Variants in GRM4 observed in about 807,000 individuals in gnomAD.
GRM4 encodes the protein glutamate metabotropic receptor 4, also known as metabotropic glutamate receptor 4.
Under a neutral mutation model 81.7 loss-of-function variants are expected in GRM4, and 28 were observed. That is an observed-to-expected ratio of 0.34 (90% confidence interval 0.25 to 0.47). The LOEUF is 0.47. Among genes scored for constraint, GRM4 ranks in the 20% least tolerant of loss-of-function variants. The probability of loss-of-function intolerance (pLI) is 1.00; values close to 1 mark genes in which losing one functional copy is unlikely to be tolerated. For synonymous variants in GRM4, 488 were observed against 528.8 expected (o/e 0.92, Z 1.06); for missense variants, 948 against 1,290.0 (o/e 0.73, Z 4.06).
At chr6:34,098,015 G>A (rs192387603) in intron 2 of GRM4, among the ~76,000 whole-genome samples, 215 of 152,272 alleles carry the variant, frequency 1.4e-3, no homozygotes, top group African/African-American at 5.0e-3. Flanking sequence ...CATCGGAGCC[G>A]CCCTGCCCAG....
chr6:34,044,957 CAT>C (rs1333515166), intron 6 of GRM4, among the ~76,000 whole-genome samples: 1 of 151,756 alleles, frequency 6.6e-6, no homozygotes, highest in Admixed American at 6.6e-5. Flanking sequence ...CATACATACA[CAT>C]ATATACACAT....
chr6:34,091,099 CCA>C (rs1164959377), intron 3 of GRM4, among the ~76,000 whole-genome samples: 1 of 152,200 alleles, frequency 6.6e-6, no homozygotes, highest in Non-Finnish European at 1.5e-5. Flanking sequence ...CCCAAGATGC[CCA>C]CAGCTGCAGC....
chr6:34,138,413 G>A (rs1770550523), intron 1 of GRM4, among the ~76,000 whole-genome samples: 1 of 152,234 alleles, frequency 6.6e-6, no homozygotes, highest in South Asian at 2.1e-4. Context: ...CTCTAGAATT[G>A]TGAATGGCTG....
Position 34,047,497 on chromosome 6 carries a change from A to G in GRM4, c.1169-6749T>C, listed in dbSNP as rs116318237. Among the ~76,000 whole-genome samples, 387 of 152,152 alleles carry G rather than the reference A, an allele frequency of 2.5e-3. 1 individual carries two copies. Among genetic ancestry groups the G allele is most frequent in the Non-Finnish European group, 4.5e-3 (308 of 68,002 alleles). ...AAATTCCCAGAAGTCACCAGCCAGG[A>G]TCTCCCTGGCCCAGAGTCACACGCT... On this transcript the variant is annotated intron_variant, in intron 6 of 10. Transcript: ENST00000538487. The surrounding 1 kb of genome is among the most constrained non-coding windows in gnomAD (Gnocchi z 4.5).
At chr6:34,155,418 C>G in exon 1 of GRM4, 1 of 1,426,982 alleles carries the variant, frequency 7.0e-7, no homozygotes, top group Non-Finnish European at 9.2e-7. Context: ...CTCCTGAGCT[C>G]CCTCTGTGTG....
At position 34,111,114 on chromosome 6, in the gene GRM4, TACACAC is replaced by T. The variant is rs56326901; in HGVS notation, c.520-19021_520-19016del. On this transcript the variant is annotated intron_variant, in intron 2 of 10. Transcript: ENST00000538487. The surrounding 1 kb of genome is among the most constrained non-coding windows in gnomAD (Gnocchi z 5.1). ...GAGGAGGAGACACACACAGGCCACA[TACACAC>T]ACACACACACACACACACACACACA... is the stretch of plus-strand genomic sequence containing the variant. 50,779 of 143,734 alleles carry T rather than the reference TACACAC, an allele frequency of 0.35. 8,882 individuals carry two copies. Among genetic ancestry groups the T allele is most frequent in the Admixed American group, 0.48 (6,833 of 14,254 alleles). 8.9% of individuals were successfully genotyped at this position (143,734 alleles called of 1,614,324 possible).
chr6:34,100,127 C>T (rs1044710075), intron 2 of GRM4: 30 of 774,396 alleles, frequency 3.9e-5, no homozygotes, highest in Non-Finnish European at 4.1e-5. Flanking sequence ...CCTGGCAGGC[C>T]GGCCTGTGCT....
intron 2 of GRM4, among the ~76,000 whole-genome samples, chr6:34,103,160 G>A (rs1401870713): frequency 1.3e-5 from 2 of 152,230 alleles, no homozygotes; most frequent in African/African-American, 4.8e-5. Flanking sequence ...GTCCTGCCCA[G>A]CCTCTTATCA....
rs34373747 is a variant in GRM4, at chr6:34,078,273, TTC to T, written c.736+13608_736+13609del. Among the ~76,000 whole-genome samples the T allele has an allele frequency of 0.13, 19,777 of 151,992 alleles. 2,183 individuals are homozygous for T. Among genetic ancestry groups the T allele is most frequent in the African/African-American group, 0.3 (12,416 of 41,360 alleles). On this transcript the variant is annotated intron_variant, in intron 3 of 10. Coordinates refer to ENST00000538487, the MANE Select transcript of GRM4 (RefSeq NM_000841.4). This position sits in a 1 kb window ranked among gnomAD's most constrained non-coding sequence, Gnocchi z 4.8. ...CTCTCTCCTGCCCACCTTCTGCTTCTTCTCTGTCTCCCCCCAAATACACACTC... is the reference window on the plus strand; with the variant it reads ...CTCTCTCCTGCCCACCTTCTGCTTCTTCTGTCTCCCCCCAAATACACACTC...
At chr6:34,104,595 C>A (rs1264104372) in intron 2 of GRM4, among the ~76,000 whole-genome samples, 1 of 152,160 alleles carries the variant, frequency 6.6e-6, no homozygotes, top group Non-Finnish European at 1.5e-5. Flanking sequence ...AGCCCCTAAG[C>A]ACTCTCACCC....
In GRM4 at chr6:34,035,682, G is replaced by T. The variant is rs368776031; in HGVS notation, c.2428C>A (p.Gln810Lys). ...CCACCACTCACCTTGTCGGCCGACT[G>T]CGAGGTGCCAAAGAAGATGGGGATG... ...AFIPIFFGTS[Q>K]SADKLYIQTT... The change falls in exon 9 of 11, where the codon CAG becomes AAG. Residue 810 changes from glutamine to lysine, a missense_variant. Transcript: ENST00000538487. This position sits in a 1 kb window ranked among gnomAD's most constrained non-coding sequence, Gnocchi z 6.6. 11 of 1,567,898 alleles carry T rather than the reference G, an allele frequency of 7.0e-6. No homozygotes were observed. In the African/African-American group the frequency reaches 1.2e-4, roughly 18 times the overall value.
At chr6:34,106,414 C>CA (rs11350612) in intron 2 of GRM4, among the ~76,000 whole-genome samples, 82 of 132,848 alleles carry the variant, frequency 6.2e-4, no homozygotes, top group South Asian at 1.4e-3. Flanking sequence ...GGCTCAGTCT[C>CA]AAAAAAAAAA....
chr6:34,037,001 C>T (rs1313894551), intron 8 of GRM4, among the ~76,000 whole-genome samples: 1 of 152,184 alleles, frequency 6.6e-6, no homozygotes, highest in Non-Finnish European at 1.5e-5. Flanking sequence ...AGCAGCCTCA[C>T]CCAGGAGCTT....
chr6:34,086,432 C>G (rs1313390134), intron 3 of GRM4, among the ~76,000 whole-genome samples: 1 of 152,174 alleles, frequency 6.6e-6, no homozygotes, highest in Non-Finnish European at 1.5e-5. Context: ...AGCAACACAG[C>G]CAAGAGGTAG....
chr6:34,090,330 G>A lies in GRM4; in HGVS notation c.736+1553C>T, dbSNP rs1288044917. The stretch of plus-strand genomic sequence containing the variant: ...ACAGAAAAGGTAGGAGGTTGGTTTG[G>A]GGAAGAGTTGAAGCCACAGAGGAGG... On this transcript the variant is annotated intron_variant, in intron 3 of 10. Coordinates refer to ENST00000538487, the MANE Select transcript of GRM4 (RefSeq NM_000841.4). This position sits in a 1 kb window ranked among gnomAD's most constrained non-coding sequence, Gnocchi z 5.2. Among the ~76,000 whole-genome samples the A allele has an allele frequency of 1.3e-5, 2 of 152,196 alleles. No homozygotes were observed. The highest frequency in any genetic ancestry group is 4.8e-5 in the African/African-American group (2 of 41,436).
chr6:34,062,280 A>G (rs1013367189), intron 3 of GRM4: 24 of 421,468 alleles, frequency 5.7e-5, no homozygotes, highest in South Asian at 3.9e-4. Context: ...GTTTCCCCAT[A>G]TAGCAGCTAG....
chr6:34,084,117 T>C (rs761008107), intron 3 of GRM4, among the ~76,000 whole-genome samples: 1 of 152,182 alleles, frequency 6.6e-6, no homozygotes, highest in African/African-American at 2.4e-5. Context: ...TCATGAAGGA[T>C]GCCTAGAGCC....
chr6:34,083,604 A>G (rs1279603712), intron 3 of GRM4, among the ~76,000 whole-genome samples: 1 of 152,188 alleles, frequency 6.6e-6, no homozygotes, highest in African/African-American at 2.4e-5. Context: ...TTGATAGGTT[A>G]GAATGGGAGG....
chr6:34,093,168 T>C (rs1351899642), intron 2 of GRM4, among the ~76,000 whole-genome samples: 1 of 152,232 alleles, frequency 6.6e-6, no homozygotes, highest in Non-Finnish European at 1.5e-5. Context: ...AAGAAACCTG[T>C]GGCCAGACTT....
Sources: gnomAD v4.1 joint callset for allele counts (sites outside exome capture counted in the v4.1 genomes callset) on GRCh38, gnomAD v4.1.1 for gene constraint, Gnocchi (gnomAD v3.1) non-coding constraint, MANE v1.5 for transcripts, NCBI Gene and HGNC (gene_info 2026-07-23, HGNC 2026-07-21) for gene names.